The following ARMH3 variants were observed in gnomAD, a reference collection of about 807,000 sequenced individuals.
The protein encoded by ARMH3 is armadillo-like helical domain-containing protein 3.
A neutral mutation model predicts 99.1 loss-of-function variants in ARMH3; 60 were observed. The ratio of observed to expected loss-of-function variants is 0.61; its 90% CI spans 0.49 to 0.75. The LOEUF (loss-of-function observed/expected upper bound fraction) is 0.75, where lower values mean the gene tolerates loss of function less well. Ranked by LOEUF, ARMH3 falls within the 30% of genes least tolerant of loss-of-function variation. The probability of loss-of-function intolerance (pLI) is 0.00; values close to 1 mark genes in which losing one functional copy is unlikely to be tolerated. For synonymous variants in ARMH3, 285 were observed against 292.8 expected (o/e 0.97, Z 0.27); for missense variants, 679 against 843.1 (o/e 0.81, Z 2.41).
intron 23 of ARMH3, among the ~76,000 whole-genome samples, chr10:101,924,252 G>A (rs917630767): frequency 6.6e-6 from 1 of 152,056 alleles, no homozygotes; most frequent in Admixed American, 6.5e-5. Flanking sequence ...AGAAAAAAGC[G>A]AACTGTAGAT....
intron 23 of ARMH3, among the ~76,000 whole-genome samples, chr10:101,924,047 G>A (rs1372598480): frequency 6.6e-6 from 1 of 152,190 alleles, no homozygotes; most frequent in African/African-American, 2.4e-5. Context: ...GTCAGGAATA[G>A]ATCAAAGCAT....
At chr10:101,881,320 A>T (rs1644464151) in intron 24 of ARMH3, among the ~76,000 whole-genome samples, 1 of 152,102 alleles carries the variant, frequency 6.6e-6, no homozygotes, top group Non-Finnish European at 1.5e-5. Context: ...ATTTTTAGCA[A>T]GCTCCTGGGT....
At chr10:101,958,178 G>A (rs1845126228) in intron 20 of ARMH3, among the ~76,000 whole-genome samples, 1 of 152,152 alleles carries the variant, frequency 6.6e-6, no homozygotes, top group East Asian at 1.9e-4. Context: ...AGAGGAAAAT[G>A]TATCCATTCT....
intron 23 of ARMH3, among the ~76,000 whole-genome samples, chr10:101,894,919 C>T (rs1266187585): frequency 6.7e-6 from 1 of 149,988 alleles, no homozygotes; most frequent in East Asian, 2.0e-4. Flanking sequence ...CTATCTGTCA[C>T]ATGACGACAC....
intron 8 of ARMH3, among the ~76,000 whole-genome samples, chr10:102,015,980 A>T (rs1181034416): frequency 6.6e-6 from 1 of 152,138 alleles, no homozygotes; most frequent in Non-Finnish European, 1.5e-5. Context: ...CAAAAAATTT[A>T]AAAAGCTAGC....
At position 101,935,174 on chromosome 10, in the gene ARMH3, A is replaced by AATATATATATATATATATATATATAT. The variant is rs5787448; in HGVS notation, c.1781+4688_1781+4689insATATATATATATATATATATATATAT. Among the ~76,000 whole-genome samples the AATATATATATATATATATATATATAT allele has an allele frequency of 3.9e-3, 458 of 116,928 alleles. 5 individuals carry two copies. Among genetic ancestry groups the AATATATATATATATATATATATATAT allele is most frequent in the Admixed American group, 4.7e-3 (53 of 11,320 alleles). The allele number at this position is 116,928 out of a possible 152,430, so 76.7% of individuals were successfully genotyped here. A position where few individuals can be genotyped will look rare whatever the true frequency, so the allele number is the denominator to read the frequency against. ...AGAAGCGGAATCTCAAAGGTGGAGC[A>AATATATATATATATATATATATATAT]ATATATATATATATATATATATATA... On this transcript the variant is annotated intron_variant, in intron 23 of 25. Transcript: ENST00000370033.
intron 20 of ARMH3, among the ~76,000 whole-genome samples, chr10:101,960,352 C>T (rs772893732): frequency 4.1e-4 from 63 of 152,140 alleles, no homozygotes; most frequent in Middle Eastern, 3.2e-3. Context: ...TGTTCAGTGT[C>T]CTATACACCA....
chr10:101,929,713 C>G (rs911588087), intron 23 of ARMH3, among the ~76,000 whole-genome samples: 2 of 152,026 alleles, frequency 1.3e-5, no homozygotes, highest in South Asian at 4.2e-4. Flanking sequence ...AAAATTAAAG[C>G]AATAAAAACG....
chr10:101,927,266 A>G (rs563746962), intron 23 of ARMH3, among the ~76,000 whole-genome samples: 1 of 152,344 alleles, frequency 6.6e-6, no homozygotes, highest in Non-Finnish European at 1.5e-5. Context: ...TACTAATGGC[A>G]CAAGTGCAAA....
At position 101,868,775 on chromosome 10, in the gene ARMH3, T is replaced by C. The variant is rs1233421539; in HGVS notation, c.1861-18883A>G. Among the ~76,000 whole-genome samples, 6 of 152,298 alleles carry C rather than the reference T, an allele frequency of 3.9e-5. No individual in the cohort carries two copies. In the East Asian group the frequency reaches 1.2e-3, roughly 29 times the overall value. ...ATGGGTTAATCAACTGTTTATGTTA[T>C]CAGCAAAGCTTCTGGGCCAGGCACG... On this transcript the variant is annotated intron_variant, in intron 24 of 25. Transcript: ENST00000370033.
intron 23 of ARMH3, among the ~76,000 whole-genome samples, chr10:101,933,202 G>A (rs924371221): frequency 1.3e-5 from 2 of 151,968 alleles, no homozygotes; most frequent in Admixed American, 6.6e-5. Context: ...AAAAAAAATC[G>A]TTAAAATGGT....
intron 24 of ARMH3, among the ~76,000 whole-genome samples, chr10:101,866,915 A>C (rs1438890443): frequency 6.6e-6 from 1 of 152,000 alleles, no homozygotes; most frequent in Non-Finnish European, 1.5e-5. Flanking sequence ...AACAAACAAA[A>C]ACAAACAAAC....
At chr10:101,851,139 G>A (rs966776074) in intron 24 of ARMH3, among the ~76,000 whole-genome samples, 2 of 152,142 alleles carry the variant, frequency 1.3e-5, no homozygotes, top group Admixed American at 6.5e-5. Context: ...TATTCTGTGG[G>A]GTTTTTCTCC....
intron 24 of ARMH3, among the ~76,000 whole-genome samples, chr10:101,882,804 G>C (rs1015284535): frequency 6.6e-6 from 1 of 152,164 alleles, no homozygotes; most frequent in African/African-American, 2.4e-5. Flanking sequence ...GCCTAAGTAT[G>C]AGGTACTTTT....
At chr10:101,930,530 C>T (rs1014883139) in intron 23 of ARMH3, among the ~76,000 whole-genome samples, 2 of 152,054 alleles carry the variant, frequency 1.3e-5, no homozygotes, top group Non-Finnish European at 2.9e-5. Context: ...ATTTTGGAGA[C>T]ATTCTTTTAC....
chr10:101,968,051 A>T (rs1374544388), intron 20 of ARMH3, among the ~76,000 whole-genome samples: 1 of 152,160 alleles, frequency 6.6e-6, no homozygotes, highest in Non-Finnish European at 1.5e-5. Flanking sequence ...TAAAAAAAAA[A>T]AATAAATAAG....
chr10:101,955,278 G>A (rs1467693492), intron 22 of ARMH3, among the ~76,000 whole-genome samples: 2 of 152,190 alleles, frequency 1.3e-5, no homozygotes, highest in Non-Finnish European at 2.9e-5. Flanking sequence ...ATGAGAGAGA[G>A]GAGATATTTT....
At chr10:101,919,840 C>T (rs536740817) in intron 23 of ARMH3, among the ~76,000 whole-genome samples, 1 of 152,162 alleles carries the variant, frequency 6.6e-6, no homozygotes, top group African/African-American at 2.4e-5. Context: ...CTGGGCTGTA[C>T]CACTGGCTTA....
intron 19 of ARMH3, among the ~76,000 whole-genome samples, chr10:101,982,103 G>A (rs913365841): frequency 5.3e-5 from 8 of 151,498 alleles, no homozygotes; most frequent in African/African-American, 9.7e-5. Flanking sequence ...CGGGTATAGC[G>A]GGTATAGTGG....
Sources: gnomAD v4.1 joint callset for allele counts (sites outside exome capture counted in the v4.1 genomes callset) on GRCh38, gnomAD v4.1.1 for gene constraint, MANE v1.5 for transcripts, NCBI Gene and HGNC (gene_info 2026-07-23, HGNC 2026-07-21) for gene names.